Variants in FAT4 observed in about 807,000 individuals in gnomAD.
FAT4 encodes FAT atypical cadherin 4.
FAT4 carries 84 observed loss-of-function variants against 303.9 expected under a neutral mutation model. That is an observed-to-expected ratio of 0.28 (90% CI 0.23 to 0.33). FAT4 has a LOEUF of 0.33. Among genes scored for constraint, FAT4 ranks in the 10% least tolerant of loss-of-function variants. The probability of loss-of-function intolerance (pLI) is 1.00; values close to 1 mark genes in which losing one functional copy is unlikely to be tolerated. For missense variants in FAT4, 6,005 were observed against 6,146.8 expected (o/e 0.98, Z 0.77); for synonymous variants, 2,307 against 2,298.8 (o/e 1.00, Z -0.10).
At chr4:125,334,407 C>T (rs1731496232) in intron 2 of FAT4, among the ~76,000 whole-genome samples, 3 of 152,098 alleles carry the variant, frequency 2.0e-5, no homozygotes, top group Admixed American at 6.6e-5. Context: ...CCTGGATCCA[C>T]CAACAGCTAT....
rs753175186 is a variant in FAT4 at position 125,491,317 on chromosome 4, G to A, written c.14501G>A (p.Gly4834Asp). The A allele has an allele frequency of 6.2e-7, 1 of 1,614,174 alleles. No homozygotes were observed. The highest frequency in any genetic ancestry group is 2.2e-5 in the East Asian group (1 of 44,880). ...TCTAGAACAAGGAATCCAGCGGATG[G>A]CATTCCAGCTCCAGAATCCTCTTCT... Reference protein sequence around the residue: ...PLSRTRNPADGIPAPESSSDS... With the variant: ...PLSRTRNPADDIPAPESSSDS... The change falls in exon 18 of 18, where the codon GGC becomes GAC. Residue 4834 changes from glycine (G) to aspartate (D), a missense_variant. Physicochemically the swap from Gly to Asp is moderately conservative, Grantham distance 94. Coordinates refer to ENST00000394329, the MANE Select transcript of FAT4 (RefSeq NM_001291303.3).
chr4:125,408,536 A>G lies in FAT4; in HGVS notation c.5662A>G (p.Ile1888Val). ...TGTGAATGAAGATGATGAAGATGGC[A>G]TCTTTTTCCTGAATCCTATTACTGG... ...YIVNEDDEDG[I>V]FFLNPITGVF... is the part of the protein sequence containing the mutation. The change falls in exon 5 of 18, where the codon ATC (isoleucine) becomes GTC (valine). Residue 1888 changes from isoleucine (I) to valine (V), a missense_variant. Coordinates refer to ENST00000394329, the MANE Select transcript of FAT4 (RefSeq NM_001291303.3). 6.2e-7 allele frequency: 1 copy of G among 1,613,232 alleles called. No homozygotes were observed. Among genetic ancestry groups the G allele is most frequent in the African/African-American group, 1.3e-5 (1 of 75,002 alleles).
At chr4:125,379,778 C>G (rs11733424) in intron 2 of FAT4, among the ~76,000 whole-genome samples, 150,548 of 151,952 alleles carry the variant, frequency 0.99, 74,587 homozygotes, top group East Asian at 1. Flanking sequence ...ATATTTAACT[C>G]TTTCTTAATC....
rs780471853 is a variant in FAT4 at position 125,446,364 on chromosome 4, T to C, written c.7271T>C (p.Leu2424Ser). ...ACAGGACAAATCATCACCAGCGCAT[T>C]GTTAGATAGGGAAACAAAAGATAAT... is the stretch of plus-strand genomic sequence containing the variant. ...PSTGQIITSA[L>S]LDRETKDNYT... Residue 2424 changes from leucine to serine, a missense_variant, in exon 9 of 18, where the codon TTG becomes TCG. By Grantham distance (145) the Leu-to-Ser change is moderately radical. Transcript: ENST00000394329. 1.2e-6 allele frequency: 2 copies of C among 1,613,410 alleles called. No homozygotes were observed. The highest frequency in any genetic ancestry group is 2.2e-5 in the South Asian group (2 of 91,060).
At chr4:125,324,317 C>T (rs890890011) in intron 2 of FAT4, among the ~76,000 whole-genome samples, 3 of 145,334 alleles carry the variant, frequency 2.1e-5, no homozygotes, top group Middle Eastern at 3.2e-3. Flanking sequence ...AACTTAGGAA[C>T]GTGGTTAGAC....
chr4:125,367,608 C>A (rs544221155), intron 2 of FAT4, among the ~76,000 whole-genome samples: 2 of 152,232 alleles, frequency 1.3e-5, no homozygotes, highest in South Asian at 2.1e-4. Context: ...GAAAAAATAA[C>A]ATACTCTGTA....
At chr4:125,488,972 A>G (rs1021060234) in intron 17 of FAT4, among the ~76,000 whole-genome samples, 9 of 152,214 alleles carry the variant, frequency 5.9e-5, no homozygotes, top group African/African-American at 2.2e-4. Context: ...GAACAAAAAG[A>G]AAAGATGTCA....
At chr4:125,474,368 T>C (rs1169971526) in intron 12 of FAT4, among the ~76,000 whole-genome samples, 4 of 151,998 alleles carry the variant, frequency 2.6e-5, no homozygotes, top group Non-Finnish European at 5.9e-5. Context: ...AGAAGTTGAA[T>C]TATAAAAACC....
intron 8 of FAT4, among the ~76,000 whole-genome samples, chr4:125,437,137 G>A (rs933552537): frequency 1.3e-5 from 2 of 152,028 alleles, no homozygotes; most frequent in African/African-American, 4.8e-5. Flanking sequence ...TTACAGGCAT[G>A]AGCCACCATG....
chr4:125,350,054 A>T (rs764194171), intron 2 of FAT4, among the ~76,000 whole-genome samples: 4 of 151,730 alleles, frequency 2.6e-5, no homozygotes, highest in Non-Finnish European at 5.9e-5. Context: ...GTTATTTGGC[A>T]CTTCATAAAA....
Position 125,315,195 on chromosome 4 carries a change from C to T in FAT4, c.-795C>T. ...AGCTCCACCGCAGTCCAACCTTCGG[C>T]CCCGGCCGGCGAGAGGGAGAGCGCT... On this transcript the variant is annotated 5_prime_UTR_variant, in exon 1 of 18. Transcript: ENST00000394329. Among the ~76,000 whole-genome samples, 1 of 151,944 alleles carries T rather than the reference C, an allele frequency of 6.6e-6. No homozygotes were observed. Among genetic ancestry groups the T allele is most frequent in the East Asian group, 2.0e-4 (1 of 5,114 alleles).
intron 3 of FAT4, among the ~76,000 whole-genome samples, chr4:125,403,742 C>A (rs1734479635): frequency 6.6e-6 from 1 of 152,096 alleles, no homozygotes; most frequent in South Asian, 2.1e-4. Flanking sequence ...AGAGTACTCT[C>A]TTAATTGCCA....
At chr4:125,483,872 A>C (rs1038462635) in intron 16 of FAT4, among the ~76,000 whole-genome samples, 1 of 151,552 alleles carries the variant, frequency 6.6e-6, no homozygotes, top group Non-Finnish European at 1.5e-5. Flanking sequence ...ACAGACTAGG[A>C]AGCTAGTTAG....
Position 125,448,572 on chromosome 4 carries a change from G to A in FAT4, c.7562G>A (p.Arg2521Lys), listed in dbSNP as rs1219249248. The change falls in exon 10 of 18, where the codon AGG (arginine) becomes AAG (lysine). Residue 2521 changes from arginine to lysine, a missense_variant. Coordinates refer to ENST00000394329, the MANE Select transcript of FAT4 (RefSeq NM_001291303.3). ...GAAAAATTTCACATTGACCCACTGA[G>A]GGGAGCCATTATGGCCGCCGGACCA... ...NSEKFHIDPLRGAIMAAGPLN... is the reference protein window; with the variant it reads ...NSEKFHIDPLKGAIMAAGPLN... The A allele has an allele frequency of 6.2e-7, 1 of 1,613,916 alleles. No homozygotes were observed.
intron 9 of FAT4, 135 bp downstream of exon 9, chr4:125,446,678 G>A: frequency 1.1e-6 from 1 of 878,260 alleles, no homozygotes; most frequent in Non-Finnish European, 1.6e-6. Context: ...AATTCAGGTT[G>A]TTTTGTCTGA....
chr4:125,406,804 T>C (rs956696688), intron 3 of FAT4, 76 bp from the exon 4 acceptor site: 6 of 1,504,772 alleles, frequency 4.0e-6, no homozygotes, highest in Non-Finnish European at 5.4e-6. Context: ...CTTTGTCAAA[T>C]ACATGTTCAA....
At chr4:125,456,018 A>T (rs1046032539) in intron 10 of FAT4, among the ~76,000 whole-genome samples, 2 of 152,202 alleles carry the variant, frequency 1.3e-5, no homozygotes, top group East Asian at 3.9e-4. Flanking sequence ...GCAGTGCTGC[A>T]CCAAGTGATC....
In FAT4 at chr4:125,490,414, G is replaced by A. The variant is rs2126096826; in HGVS notation, c.13598G>A (p.Gly4533Glu). 1 of 1,614,108 alleles carries A rather than the reference G, an allele frequency of 6.2e-7. No individual in the cohort carries two copies. The highest frequency in any genetic ancestry group is 8.5e-7 in the Non-Finnish European group (1 of 1,180,036). ...CTGATCCTGTGTAACCAGTGCAGGG[G>A]GAAGAAGGCCAAAAATCCCAAAGAG... is the stretch of plus-strand genomic sequence containing the variant. ...LSLILCNQCR[G>E]KKAKNPKEEK... The change falls in exon 18 of 18, where the codon GGG becomes GAG. Residue 4533 changes from glycine to glutamate, a missense_variant. By Grantham distance (98) the Gly-to-Glu change is moderately conservative. Transcript: ENST00000394329.
chr4:125,344,601 T>C (rs1560770458), intron 2 of FAT4, among the ~76,000 whole-genome samples: 1 of 152,190 alleles, frequency 6.6e-6, no homozygotes, highest in Non-Finnish European at 1.5e-5. Flanking sequence ...CATAACCAAA[T>C]AGTATCTGTG....
Sources: gnomAD v4.1 joint callset for allele counts (sites outside exome capture counted in the v4.1 genomes callset) on GRCh38, gnomAD v4.1.1 for gene constraint, MANE v1.5 for transcripts, NCBI Gene and HGNC (gene_info 2026-07-23, HGNC 2026-07-21) for gene names.